Variants in TRPC7 observed in about 807,000 individuals in gnomAD.
TRPC7 encodes short transient receptor potential channel 7.
TRPC7 carries 42 observed loss-of-function variants against 90.1 expected under a neutral mutation model. The ratio of observed to expected loss-of-function variants is 0.47; its 90% CI spans 0.36 to 0.60. TRPC7 has a LOEUF of 0.60. Among genes scored for constraint, TRPC7 ranks in the 20% least tolerant of loss-of-function variants. TRPC7 has a pLI of 0.00. For missense variants in TRPC7, 955 were observed against 1,112.3 expected (o/e 0.86, Z 2.01); for synonymous variants, 451 against 436.3 (o/e 1.03, Z -0.42).
chr5:136,356,173 A>G (rs1190423127), intron 2 of TRPC7, among the ~76,000 whole-genome samples: 1 of 152,228 alleles, frequency 6.6e-6, no homozygotes, highest in African/African-American at 2.4e-5. Context: ...ACATTCCAGG[A>G]TGAGAGAGAT....
At chr5:136,353,065 G>A (rs976088970) in intron 2 of TRPC7, among the ~76,000 whole-genome samples, 44 of 152,144 alleles carry the variant, frequency 2.9e-4, no homozygotes, top group African/African-American at 9.9e-4. Context: ...ACAAGGCACT[G>A]GGGAGGCCCC....
intron 3 of TRPC7, among the ~76,000 whole-genome samples, chr5:136,287,725 A>AAAAAAAC (rs1561702560): frequency 1.5e-4 from 20 of 131,940 alleles, no homozygotes; most frequent in African/African-American, 5.5e-4. Context: ...AAAAAAAAAA[A>AAAAAAAC]AAAACCCAGA....
chr5:136,280,528 T>A (rs1366861981), intron 3 of TRPC7, among the ~76,000 whole-genome samples: 1 of 152,218 alleles, frequency 6.6e-6, no homozygotes, highest in African/African-American at 2.4e-5. Flanking sequence ...AATTTCTAAA[T>A]GTAACAAATC....
chr5:136,239,934 C>G (rs1211725628), intron 7 of TRPC7, among the ~76,000 whole-genome samples: 1 of 152,168 alleles, frequency 6.6e-6, no homozygotes, highest in Non-Finnish European at 1.5e-5. Flanking sequence ...ATCCCAGCAC[C>G]CAGCTTGGGC....
At chr5:136,323,790 A>T (rs1028277421) in intron 2 of TRPC7, among the ~76,000 whole-genome samples, 1 of 152,028 alleles carries the variant, frequency 6.6e-6, no homozygotes, top group African/African-American at 2.4e-5. Flanking sequence ...TTCTTTTTCA[A>T]ATTATCTTGG....
At chr5:136,348,123 C>G (rs1760069850) in intron 2 of TRPC7, among the ~76,000 whole-genome samples, 1 of 152,226 alleles carries the variant, frequency 6.6e-6, no homozygotes, top group Non-Finnish European at 1.5e-5. Flanking sequence ...TAGAGTAGAT[C>G]TTTCCAAACT....
intron 3 of TRPC7, among the ~76,000 whole-genome samples, chr5:136,300,605 A>G (rs1370165992): frequency 1.3e-5 from 2 of 152,254 alleles, no homozygotes; most frequent in African/African-American, 4.8e-5. Context: ...CTACCAGGCC[A>G]GAACTGGCAT....
chr5:136,297,050 C>A (rs1299814025), intron 3 of TRPC7, among the ~76,000 whole-genome samples: 1 of 152,154 alleles, frequency 6.6e-6, no homozygotes, highest in African/African-American at 2.4e-5. Flanking sequence ...CTTTATAGGT[C>A]CCCCACTGCT....
At chr5:136,289,897 G>A (rs939769015) in intron 3 of TRPC7, among the ~76,000 whole-genome samples, 1 of 152,230 alleles carries the variant, frequency 6.6e-6, no homozygotes, top group African/African-American at 2.4e-5. Context: ...CCCCCCAGTA[G>A]GGGTGGATTG....
chr5:136,224,876 A>G (rs1755578253), intron 10 of TRPC7, among the ~76,000 whole-genome samples: 2 of 152,208 alleles, frequency 1.3e-5, no homozygotes. Context: ...TGCCTCCTGC[A>G]TCCGAGTGGT....
chr5:136,295,978 G>A (rs187100190), intron 3 of TRPC7, among the ~76,000 whole-genome samples: 1 of 152,246 alleles, frequency 6.6e-6, no homozygotes, highest in East Asian at 1.9e-4. Context: ...TTACTGAAGT[G>A]AAGCTACTTA....
Position 136,213,024 on chromosome 5 carries a change from G to C in TRPC7, c.*411C>G, listed in dbSNP as rs1235348314. Among the ~76,000 whole-genome samples, 1 of 152,152 alleles carries C rather than the reference G, an allele frequency of 6.6e-6. No individual in the cohort carries two copies. The highest frequency in any genetic ancestry group is 1.5e-5 in the Non-Finnish European group (1 of 68,024). On this transcript the variant is annotated 3_prime_UTR_variant, in exon 12 of 12. Transcript: ENST00000513104. ...GTGTTGGGGGTGGCAGGGAGGGAGT[G>C]AGAAGGAGTTTGTGGGTTGAGGTGT...
chr5:136,216,473 A>G (rs1755273027), intron 10 of TRPC7, among the ~76,000 whole-genome samples, 198 bp from the exon 11 acceptor site: 1 of 152,154 alleles, frequency 6.6e-6, no homozygotes, highest in African/African-American at 2.4e-5. Flanking sequence ...CCCCCGCAGG[A>G]TGCAATGTGC....
chr5:136,216,302 A>G, intron 10 of TRPC7, 27 bp from the exon 11 acceptor site: 1 of 1,591,628 alleles, frequency 6.3e-7, no homozygotes, highest in Non-Finnish European at 8.6e-7. Context: ...GGAAGGGATC[A>G]GACAGGGCTG....
At chr5:136,240,662 C>T (rs1460728783) in intron 7 of TRPC7, among the ~76,000 whole-genome samples, 1 of 152,078 alleles carries the variant, frequency 6.6e-6, no homozygotes, top group African/African-American at 2.4e-5. Context: ...AGTGTAGGCC[C>T]TAGTGTGAGT....
intron 5 of TRPC7, among the ~76,000 whole-genome samples, chr5:136,264,577 G>C (rs1401320050): frequency 1.3e-5 from 2 of 151,992 alleles, no homozygotes; most frequent in East Asian, 3.9e-4. Flanking sequence ...TTGGTCACAG[G>C]GTTGCTGTTT....
intron 4 of TRPC7, among the ~76,000 whole-genome samples, chr5:136,271,051 C>A (rs920042449): frequency 6.6e-6 from 1 of 152,150 alleles, no homozygotes; most frequent in African/African-American, 2.4e-5. Context: ...CCCTTTCAAG[C>A]CATTTCAGCT....
At chr5:136,359,985 G>C (rs1760518739) in intron 1 of TRPC7, among the ~76,000 whole-genome samples, 1 of 152,132 alleles carries the variant, frequency 6.6e-6, no homozygotes, top group Non-Finnish European at 1.5e-5. Context: ...AACAGCAGCT[G>C]TCCGAGAAGA....
At chr5:136,272,703 C>A (rs1344386948) in intron 4 of TRPC7, among the ~76,000 whole-genome samples, 1 of 152,046 alleles carries the variant, frequency 6.6e-6, no homozygotes, top group African/African-American at 2.4e-5. Flanking sequence ...CTTCTGGGGG[C>A]ACCAAATGTC....
Sources: gnomAD v4.1 joint callset for allele counts (sites outside exome capture counted in the v4.1 genomes callset) on GRCh38, gnomAD v4.1.1 for gene constraint, MANE v1.5 for transcripts, NCBI Gene and HGNC (gene_info 2026-07-23, HGNC 2026-07-21) for gene names.